Variants in CHCHD3 observed in about 807,000 individuals in gnomAD.
CHCHD3 encodes the protein MICOS complex subunit MIC19.
A neutral mutation model predicts 38.2 loss-of-function variants in CHCHD3; 20 were observed. That is an observed-to-expected ratio of 0.52 (90% CI 0.37 to 0.76). The LOEUF (loss-of-function observed/expected upper bound fraction) is 0.76, where lower values mean the gene tolerates loss of function less well. Ranked by LOEUF, CHCHD3 falls within the 30% of genes least tolerant of loss-of-function variation. The pLI, the probability that CHCHD3 is intolerant of heterozygous loss-of-function variation, is 0.00. For missense variants in CHCHD3, 245 were observed against 279.2 expected (o/e 0.88, Z 0.87); for synonymous variants, 82 against 100.0 (o/e 0.82, Z 1.07).
intron 2 of CHCHD3, among the ~76,000 whole-genome samples, chr7:133,062,529 A>G (rs899269573): frequency 6.6e-6 from 1 of 152,194 alleles, no homozygotes; most frequent in South Asian, 2.1e-4. Flanking sequence ...GTTATGACAA[A>G]TAACAACACT....
At chr7:132,961,258 G>A (rs1274098482) in intron 4 of CHCHD3, among the ~76,000 whole-genome samples, 1 of 152,064 alleles carries the variant, frequency 6.6e-6, no homozygotes, top group Non-Finnish European at 1.5e-5. Flanking sequence ...CTCCAGCCTG[G>A]GTAACAGAGA....
chr7:132,794,273 A>C (rs1247116052), intron 7 of CHCHD3, among the ~76,000 whole-genome samples: 4 of 152,176 alleles, frequency 2.6e-5, no homozygotes. Flanking sequence ...CAAAAACCAA[A>C]TGCCACTTAT....
intron 4 of CHCHD3, among the ~76,000 whole-genome samples, chr7:132,915,776 C>A (rs1002320464): frequency 8.5e-5 from 13 of 152,086 alleles, no homozygotes; most frequent in African/African-American, 2.9e-4. Flanking sequence ...TTAGCAGATA[C>A]ATTCTTCATT....
chr7:132,799,050 T>TGTGTGC (rs1563238606), intron 6 of CHCHD3, among the ~76,000 whole-genome samples: 2 of 140,384 alleles, frequency 1.4e-5, no homozygotes, highest in East Asian at 2.2e-4. Flanking sequence ...TGTGTGTGTG[T>TGTGTGC]GCAGTCATCC....
chr7:133,048,673 T>C (rs542629017), intron 2 of CHCHD3, among the ~76,000 whole-genome samples: 1 of 151,608 alleles, frequency 6.6e-6, no homozygotes, highest in Non-Finnish European at 1.5e-5. Flanking sequence ...TGTAGGAAAC[T>C]CCCCCCTAAA....
intron 2 of CHCHD3, among the ~76,000 whole-genome samples, chr7:133,044,748 T>C (rs184922389): frequency 6.6e-6 from 1 of 152,170 alleles, no homozygotes; most frequent in Admixed American, 6.5e-5. Flanking sequence ...AGGGAGAGAA[T>C]GTATATGGCA....
intron 5 of CHCHD3, among the ~76,000 whole-genome samples, chr7:132,872,018 A>G (rs1394259105): frequency 6.6e-6 from 1 of 152,206 alleles, no homozygotes; most frequent in Non-Finnish European, 1.5e-5. Flanking sequence ...ATCTCCTAGG[A>G]AGGAATGCTG....
chr7:132,984,774 C>T (rs897641102), intron 3 of CHCHD3, among the ~76,000 whole-genome samples: 1 of 145,482 alleles, frequency 6.9e-6, no homozygotes, highest in Non-Finnish European at 1.5e-5. Flanking sequence ...AAGTGAGGAG[C>T]CCCTCCGCCC....
chr7:132,921,473 GTC>G (rs1810261082), intron 4 of CHCHD3, among the ~76,000 whole-genome samples: 1 of 152,136 alleles, frequency 6.6e-6, no homozygotes, highest in Non-Finnish European at 1.5e-5. Flanking sequence ...TAATCTGCAA[GTC>G]TCTGCATATT....
intron 4 of CHCHD3, among the ~76,000 whole-genome samples, chr7:132,889,969 T>G (rs1215686868): frequency 6.6e-6 from 1 of 152,232 alleles, no homozygotes; most frequent in East Asian, 1.9e-4. Flanking sequence ...GAACCATATC[T>G]TGGGAAAAAA....
rs539258927 is a variant in CHCHD3 at position 132,804,581 on chromosome 7, A to G, written c.525-8004T>C. 3.4e-4 allele frequency among the ~76,000 whole-genome samples: 52 copies of G among 152,344 alleles called. 1 individual carries two copies. Among genetic ancestry groups the G allele is most frequent in the African/African-American group, 1.3e-3 (52 of 41,584 alleles). The stretch of plus-strand genomic sequence containing the variant: ...GCTTTTAATACCAAGAGAAGTCAAG[A>G]ACAGTTTAATTTTAAAAATTTCAAA... On this transcript the variant is annotated intron_variant, in intron 6 of 7. Transcript: ENST00000262570.
intron 6 of CHCHD3, among the ~76,000 whole-genome samples, chr7:132,823,195 G>GA (rs1160436314): frequency 2.0e-5 from 3 of 151,400 alleles, no homozygotes; most frequent in Non-Finnish European, 4.4e-5. Flanking sequence ...CTTGTTACAA[G>GA]AAAAAAAATA....
chr7:132,931,620 T>C (rs1406787694), intron 4 of CHCHD3, among the ~76,000 whole-genome samples: 1 of 152,238 alleles, frequency 6.6e-6, no homozygotes, highest in Non-Finnish European at 1.5e-5. Flanking sequence ...CTAATCATTA[T>C]ATTCGATGAT....
At chr7:133,018,900 T>TTTTTTTTTA (rs1813099997) in intron 3 of CHCHD3, among the ~76,000 whole-genome samples, 1 of 147,380 alleles carries the variant, frequency 6.8e-6, no homozygotes, top group Non-Finnish European at 1.5e-5. Context: ...TTTTTTTTTT[T>TTTTTTTTTA]GAGACGGAGT....
intron 2 of CHCHD3, among the ~76,000 whole-genome samples, chr7:133,027,994 T>C (rs776788095): frequency 6.6e-6 from 1 of 152,202 alleles, no homozygotes; most frequent in African/African-American, 2.4e-5. Flanking sequence ...TTCTAGACTA[T>C]AGACTTCACA....
intron 5 of CHCHD3, among the ~76,000 whole-genome samples, chr7:132,839,132 C>T (rs960106407): frequency 1.3e-5 from 2 of 150,984 alleles, no homozygotes; most frequent in Non-Finnish European, 2.9e-5. Context: ...GTGGAGGTTG[C>T]GGTGAGCGGA....
At chr7:133,006,540 C>T (rs958820049) in intron 3 of CHCHD3, among the ~76,000 whole-genome samples, 3 of 151,508 alleles carry the variant, frequency 2.0e-5, no homozygotes, top group African/African-American at 7.3e-5. Flanking sequence ...TAAACAGATA[C>T]GAGCAACCAT....
At chr7:132,954,025 G>A (rs1269429135) in intron 4 of CHCHD3, among the ~76,000 whole-genome samples, 1 of 152,186 alleles carries the variant, frequency 6.6e-6, no homozygotes, top group Non-Finnish European at 1.5e-5. Context: ...TGAAGAATGA[G>A]ATATTTATGC....
At chr7:132,921,800 G>A (rs1810269880) in intron 4 of CHCHD3, among the ~76,000 whole-genome samples, 1 of 152,238 alleles carries the variant, frequency 6.6e-6, no homozygotes, top group South Asian at 2.1e-4. Context: ...CCACGTCTCA[G>A]AGGATGATGA....
Sources: gnomAD v4.1 joint callset for allele counts (sites outside exome capture counted in the v4.1 genomes callset) on GRCh38, gnomAD v4.1.1 for gene constraint, MANE v1.5 for transcripts, NCBI Gene and HGNC (gene_info 2026-07-23, HGNC 2026-07-21) for gene names.